Variants in MBTPS2 observed in about 807,000 individuals in gnomAD.
MBTPS2 encodes membrane bound transcription factor peptidase, site 2, also known as membrane-bound transcription factor site-2 protease.
In MBTPS2, 2 loss-of-function variants were observed where a neutral mutation model predicts 35.4. The ratio of observed to expected loss-of-function variants is 0.06; its 90% CI spans 0.02 to 0.18. MBTPS2 has a LOEUF of 0.18. Ranked by LOEUF, MBTPS2 falls within the 10% of genes least tolerant of loss-of-function variation. The pLI is 1.00. For synonymous variants in MBTPS2, 125 were observed against 140.4 expected (o/e 0.89, Z 0.77); for missense variants, 244 against 386.5 (o/e 0.63, Z 3.09).
chrX:21,883,654 CG>C lies in MBTPS2; in HGVS notation c.*1001del, dbSNP rs1357903583. On this transcript the variant is annotated 3_prime_UTR_variant, in exon 11 of 11. Coordinates refer to ENST00000379484, the MANE Select transcript of MBTPS2 (RefSeq NM_015884.4). The stretch of plus-strand genomic sequence containing the variant: ...CTGAGCCATACTCTGTCCTCACCAG[CG>C]GCTCCCATGTTTTTCTGTGTCAGGT... The C allele has an allele frequency of 1.3e-6, 1 of 752,060 alleles. No homozygotes were observed. The highest frequency in any genetic ancestry group is 2.3e-5 in the African/African-American group (1 of 43,153). The allele number at this position is 752,060 out of a possible 1,213,427, so 62.0% of individuals were successfully genotyped here. A position where few individuals can be genotyped will look rare whatever the true frequency, so the allele number is the denominator to read the frequency against.
At position 21,845,253 on chromosome X, in the gene MBTPS2, G is replaced by A. The variant is rs146730876; in HGVS notation, c.307G>A (p.Ala103Thr). 4.4e-4 allele frequency: 536 copies of A among 1,209,307 alleles called. 2 individuals carry two copies. Among genetic ancestry groups the A allele is most frequent in the Middle Eastern group, 2.1e-3 (9 of 4,352 alleles). ...LLGKTLMQTL[A>T]QMMADSPSSY... The stretch of plus-strand genomic sequence containing the variant: ...TGGAAAAACGCTGATGCAGACTTTG[G>A]CACAAATGATGGCTGACTCTCCCTC... Residue 103 changes from alanine (A) to threonine (T), a missense_variant, in exon 3 of 11, where the codon GCA becomes ACA. By Grantham distance (58) the Ala-to-Thr change is moderately conservative. Coordinates refer to ENST00000379484, the MANE Select transcript of MBTPS2 (RefSeq NM_015884.4).
intron 5 of MBTPS2, among the ~76,000 whole-genome samples, chrX:21,863,763 C>G (rs1195911244): frequency 9.0e-6 from 1 of 111,545 alleles, no homozygotes. Flanking sequence ...CCCGCTATCC[C>G]AAACATCACC....
intron 9 of MBTPS2, among the ~76,000 whole-genome samples, chrX:21,879,949 C>CTTCTTTTTTTTTTTTTTTTTTTTTTTTTT (rs2092957272): frequency 2.1e-5 from 1 of 47,425 alleles, no homozygotes; most frequent in African/African-American, 1.3e-4. Flanking sequence ...TTATGTTATT[C>CTTCTTTTTTTTTTTTTTTTTTTTTTTTTT]TTTTTTTTTT....
intron 7 of MBTPS2, among the ~76,000 whole-genome samples, chrX:21,875,101 C>T (rs772710526): frequency 8.9e-6 from 1 of 112,398 alleles, no homozygotes; most frequent in South Asian, 3.7e-4. Flanking sequence ...GTCAGGGAGG[C>T]CACAGCCATG....
chrX:21,856,946 G>A lies in MBTPS2; in HGVS notation c.670+3443G>A. The A allele has an allele frequency of 2.5e-6, 3 of 1,212,080 alleles. No individual in the cohort carries two copies. In the South Asian group the frequency reaches 5.3e-5, roughly 21 times the overall value. On this transcript the variant is annotated intron_variant, in intron 5 of 10. Coordinates refer to ENST00000379484, the MANE Select transcript of MBTPS2 (RefSeq NM_015884.4). ...GCGGCAAGAGTGCCACCAGCACTGAGGCCAACCCGGCAGGCAGCAGCTCCA... is the reference window on the plus strand; with the variant it reads ...GCGGCAAGAGTGCCACCAGCACTGAAGCCAACCCGGCAGGCAGCAGCTCCA...
In MBTPS2 at chrX:21,845,328, T is replaced by C. The variant is rs2092907451; in HGVS notation, c.382T>C (p.Ser128Pro). Reference sequence around the variant, plus strand: ...CTCTTCCTCCTCTTCTTCCTCTTCCTCTTCTTCATCTTCTTCCTCTTCCTC... The same window carrying C: ...CTCTTCCTCCTCTTCTTCCTCTTCCCCTTCTTCATCTTCTTCCTCTTCCTC... ...SSSSSSSSSS[S>P]SSSSSSSSLH... The change falls in exon 3 of 11, where the codon TCT becomes CCT. Residue 128 changes from serine to proline, a missense_variant. By Grantham distance (74) the Ser-to-Pro change is moderately conservative (BLOSUM62 -1). Coordinates refer to ENST00000379484, the MANE Select transcript of MBTPS2 (RefSeq NM_015884.4). The C allele has an allele frequency of 1.7e-6, 2 of 1,192,952 alleles. No homozygotes were observed. The highest frequency in any genetic ancestry group is 1.7e-5 in the African/African-American group (1 of 57,371).
chrX:21,870,907 C>T (rs892158985), intron 7 of MBTPS2: 2 of 111,712 alleles, frequency 1.8e-5, no homozygotes, highest in Non-Finnish European at 3.8e-5. Context: ...AGAAATTATG[C>T]TCACAGACTA....
intron 4 of MBTPS2, among the ~76,000 whole-genome samples, chrX:21,852,435 C>G (rs1318834778): frequency 9.0e-6 from 1 of 111,395 alleles, no homozygotes; most frequent in Non-Finnish European, 1.9e-5. Context: ...GGCAATAAAT[C>G]CTCATCTTGA....
intron 1 of MBTPS2, among the ~76,000 whole-genome samples, chrX:21,842,608 G>A (rs2092903954): frequency 9.0e-6 from 1 of 111,172 alleles, no homozygotes; most frequent in Non-Finnish European, 1.9e-5. Context: ...CAAAAGTAAA[G>A]TATCTCACCA....
chrX:21,871,796 C>T (rs1293252209), intron 7 of MBTPS2: 2 of 111,113 alleles, frequency 1.8e-5, no homozygotes, highest in African/African-American at 6.5e-5. Flanking sequence ...TATATCTTAT[C>T]CTCATGATGT....
intron 5 of MBTPS2, chrX:21,855,858 A>C (rs1191608129): frequency 9.0e-6 from 1 of 110,886 alleles, no homozygotes; most frequent in Non-Finnish European, 1.9e-5. Flanking sequence ...CTCAAAAAAA[A>C]AAAAAAATCC....
chrX:21,883,143 G>T lies in MBTPS2; in HGVS notation c.*488G>T, dbSNP rs2092961138. The T allele has an allele frequency of 1.3e-6, 1 of 762,709 alleles. No homozygotes were observed. Among genetic ancestry groups the T allele is most frequent in the Admixed American group, 7.4e-5 (1 of 13,535 alleles). 62.9% of individuals were successfully genotyped at this position (762,709 alleles called of 1,213,427 possible). The stretch of plus-strand genomic sequence containing the variant: ...TTTGAAAAGTATTTTAAAACTTAAT[G>T]GTGTATTATTTTGTGCTCTGAAAGC... On this transcript the variant is annotated 3_prime_UTR_variant, in exon 11 of 11. Coordinates refer to ENST00000379484, the MANE Select transcript of MBTPS2 (RefSeq NM_015884.4).
intron 7 of MBTPS2, 79 bp from the exon 8 acceptor site, chrX:21,877,963 C>A (rs2092954944): frequency 2.3e-5 from 15 of 645,697 alleles, no homozygotes; most frequent in Middle Eastern, 3.2e-4. Context: ...TTTACTTATT[C>A]TTTTTGTCTT....
At chrX:21,879,991 T>C (rs2092957562) in intron 9 of MBTPS2, among the ~76,000 whole-genome samples, 1 of 89,673 alleles carries the variant, frequency 1.1e-5, no homozygotes, top group South Asian at 5.3e-4. Context: ...TTCGCTCTTG[T>C]TGCCCAGCCT....
At chrX:21,847,379 G>A (rs1363580350) in intron 3 of MBTPS2, among the ~76,000 whole-genome samples, 1 of 111,860 alleles carries the variant, frequency 8.9e-6, no homozygotes, top group Admixed American at 9.5e-5. Context: ...ATGAGCTCTT[G>A]TAGCTTAAGT....
chrX:21,844,867 C>T (rs904146482), intron 2 of MBTPS2, among the ~76,000 whole-genome samples: 2 of 111,880 alleles, frequency 1.8e-5, no homozygotes, highest in African/African-American at 3.2e-5. Flanking sequence ...GCTTTCATAA[C>T]GATATAAGGA....
intron 2 of MBTPS2, 64 bp from the exon 3 acceptor site, chrX:21,845,107 G>A: frequency 8.3e-7 from 1 of 1,209,931 alleles, no homozygotes; most frequent in African/African-American, 1.7e-5. Flanking sequence ...GCTGCTTAGT[G>A]AATTTGCTAG....
rs1313914035 is a variant in MBTPS2 at position 21,843,293 on chromosome X, C to T, written c.199C>T (p.Arg67Trp). The change falls in exon 2 of 11, where the codon CGG becomes TGG. Residue 67 changes from arginine (R) to tryptophan (W), a missense_variant. Coordinates refer to ENST00000379484, the MANE Select transcript of MBTPS2 (RefSeq NM_015884.4). ...FNRAFYSWGR[R>W]KARMLYQWFN... ...TCGTGCCTTTTACAGTTGGGGACGG[C>T]GGAAAGCAAGGATGCTTTACCAATG... The T allele has an allele frequency of 1.7e-6, 2 of 1,211,230 alleles. No individual in the cohort carries two copies. Among genetic ancestry groups the T allele is most frequent in the South Asian group, 1.8e-5 (1 of 56,969 alleles).
intron 5 of MBTPS2, chrX:21,856,103 G>A: frequency 5.5e-6 from 1 of 183,356 alleles, no homozygotes; most frequent in East Asian, 1.1e-4. Context: ...TAAAAAATCA[G>A]TAAAGAGCCT....
Sources: allele counts gnomAD v4.1 joint callset (sites outside exome capture counted in the v4.1 genomes callset), GRCh38; gene constraint gnomAD v4.1.1; transcripts MANE v1.5; gene names NCBI Gene and HGNC (gene_info 2026-07-23, HGNC 2026-07-21).